The following FAM135B variants were observed in gnomAD, a reference collection of about 807,000 sequenced individuals.
The protein encoded by FAM135B is protein FAM135B.
FAM135B carries 43 observed loss-of-function variants against 127.7 expected under a neutral mutation model. That is an observed-to-expected ratio of 0.34 (90% CI 0.26 to 0.43). The LOEUF (loss-of-function observed/expected upper bound fraction) is 0.43. FAM135B is among the 20% of genes least tolerant of loss of function. The pLI, the probability that FAM135B is intolerant of heterozygous loss-of-function variation, is 1.00. For synonymous variants in FAM135B, 670 were observed against 665.1 expected, an observed-to-expected ratio of 1.01 and a Z score of -0.11; for missense variants, 1,558 against 1,725.6, an observed-to-expected ratio of 0.90 and a Z score of 1.72.
intron 12 of FAM135B, 55 bp downstream of exon 12, chr8:138,167,840 A>G: frequency 6.5e-7 from 1 of 1,533,842 alleles, no homozygotes; most frequent in East Asian, 2.4e-5. Context: ...TGCCATTGTC[A>G]GAATCCCACT....
chr8:138,474,599 A>G (rs1564030360), intron 1 of FAM135B, among the ~76,000 whole-genome samples: 2 of 152,096 alleles, frequency 1.3e-5, no homozygotes, highest in Non-Finnish European at 2.9e-5. Context: ...TTTGAATTGA[A>G]TGCCTTTCCT....
intron 7 of FAM135B, among the ~76,000 whole-genome samples, chr8:138,239,958 T>A (rs376587868): frequency 2.2e-5 from 3 of 138,448 alleles, no homozygotes; most frequent in Admixed American, 1.6e-4. Flanking sequence ...ATGAGAACAC[T>A]TGGACACAGG....
At chr8:138,407,421 T>G (rs1369194355) in intron 1 of FAM135B, among the ~76,000 whole-genome samples, 1 of 152,166 alleles carries the variant, frequency 6.6e-6, no homozygotes, top group Admixed American at 6.5e-5. Context: ...AAAGTTCATA[T>G]GGAACCAAAA....
chr8:138,483,694 C>T (rs1260929920), intron 1 of FAM135B, among the ~76,000 whole-genome samples: 1 of 152,110 alleles, frequency 6.6e-6, no homozygotes, highest in African/African-American at 2.4e-5. Flanking sequence ...TAATCAGGAC[C>T]CCAAAAATAC....
chr8:138,463,599 A>G (rs1299456958), intron 1 of FAM135B, among the ~76,000 whole-genome samples: 2 of 152,172 alleles, frequency 1.3e-5, no homozygotes, highest in African/African-American at 4.8e-5. Flanking sequence ...TTCTGGGGTG[A>G]ACGTAAAGCG....
chr8:138,396,503 C>T (rs910934584), intron 1 of FAM135B, among the ~76,000 whole-genome samples: 1 of 152,166 alleles, frequency 6.6e-6, no homozygotes, highest in African/African-American at 2.4e-5. Flanking sequence ...CTCTGTCCTT[C>T]CTCCTGGCAT....
rs55837421 is a variant in FAM135B at position 138,242,165 on chromosome 8, T to TTG, written c.669+775_669+776dup. 0.1 allele frequency among the ~76,000 whole-genome samples: 13,357 copies of TTG among 129,790 alleles called. 701 individuals carry two copies. The highest frequency in any genetic ancestry group is 0.14 in the South Asian group (485 of 3,550). 85.1% of individuals were successfully genotyped at this position (129,790 alleles called of 152,430 possible). ...AGTCAATTACTTATGATAAATCTCT[T>TTG]TGTGTGTGTGTGTGTGTGTGTGTGT... On this transcript the variant is annotated intron_variant, in intron 7 of 19. Transcript: ENST00000395297. The surrounding 1 kb of genome is among the most constrained non-coding windows in gnomAD (Gnocchi z 9.6).
chr8:138,158,208 C>T (rs1586636499), intron 12 of FAM135B, among the ~76,000 whole-genome samples: 1 of 152,122 alleles, frequency 6.6e-6, no homozygotes, highest in Non-Finnish European at 1.5e-5. Flanking sequence ...AAAGGATTCC[C>T]TTTTTAAATA....
chr8:138,234,501 C>T (rs1194555560), intron 7 of FAM135B, among the ~76,000 whole-genome samples: 2 of 152,138 alleles, frequency 1.3e-5, no homozygotes, highest in Non-Finnish European at 2.9e-5. Flanking sequence ...TGAAGAAAAA[C>T]ATATCTGTAT....
intron 2 of FAM135B, among the ~76,000 whole-genome samples, chr8:138,329,160 T>C (rs964679624): frequency 6.6e-6 from 1 of 151,798 alleles, no homozygotes; most frequent in Admixed American, 6.6e-5. Context: ...GGTAGGTAAA[T>C]AGGAGATACA....
At chr8:138,354,929 T>C (rs1467224677) in intron 2 of FAM135B, among the ~76,000 whole-genome samples, 3 of 152,130 alleles carry the variant, frequency 2.0e-5, no homozygotes, top group African/African-American at 7.2e-5. Context: ...GTTACATATG[T>C]ATACATGTGC....
intron 4 of FAM135B, among the ~76,000 whole-genome samples, chr8:138,257,899 AAAC>A (rs1822225565): frequency 1.0e-5 from 1 of 98,332 alleles, no homozygotes; most frequent in African/African-American, 2.8e-5. Flanking sequence ...AAAAAAAATA[AAAC>A]AAAACAAAAC....
chr8:138,147,260 T>A (rs962468248), intron 14 of FAM135B, among the ~76,000 whole-genome samples: 3 of 147,908 alleles, frequency 2.0e-5, no homozygotes, highest in Non-Finnish European at 4.5e-5. Context: ...TCCCTAATGA[T>A]ATGCCAGGGC....
intron 12 of FAM135B, among the ~76,000 whole-genome samples, chr8:138,157,929 A>AAC (rs1406897493): frequency 6.6e-6 from 1 of 152,200 alleles, no homozygotes; most frequent in Non-Finnish European, 1.5e-5. Context: ...GACTTTCTTC[A>AAC]CAGAATTGGA....
At chr8:138,146,423 C>A (rs1341696184) in intron 14 of FAM135B, among the ~76,000 whole-genome samples, 1 of 152,130 alleles carries the variant, frequency 6.6e-6, no homozygotes. Context: ...CAATGCGACT[C>A]ATACGAGCCC....
At chr8:138,156,601 A>G (rs1321449598) in intron 12 of FAM135B, among the ~76,000 whole-genome samples, 2 of 152,182 alleles carry the variant, frequency 1.3e-5, no homozygotes, top group Non-Finnish European at 2.9e-5. Flanking sequence ...ACAATAAAAA[A>G]TGATAAAGGG....
At chr8:138,219,388 T>C (rs1304829405) in intron 7 of FAM135B, among the ~76,000 whole-genome samples, 2 of 152,214 alleles carry the variant, frequency 1.3e-5, no homozygotes, top group African/African-American at 4.8e-5. Context: ...ACCTGGAACC[T>C]GTCCCTGGCA....
intron 12 of FAM135B, among the ~76,000 whole-genome samples, chr8:138,159,603 G>A (rs373666033): frequency 2.2e-5 from 3 of 135,042 alleles, no homozygotes; most frequent in East Asian, 2.6e-4. Flanking sequence ...AGGGCCTGTC[G>A]TGGGGTGGGG....
chr8:138,490,489 C>G (rs935116811), intron 1 of FAM135B, among the ~76,000 whole-genome samples: 1 of 152,184 alleles, frequency 6.6e-6, no homozygotes, highest in African/African-American at 2.4e-5. Context: ...GAGCCATGCT[C>G]AGACAGACAG....
Sources: allele counts gnomAD v4.1 joint callset (sites outside exome capture counted in the v4.1 genomes callset), GRCh38; gene constraint gnomAD v4.1.1; non-coding constraint Gnocchi (gnomAD v3.1); transcripts MANE v1.5; gene names NCBI Gene and HGNC (gene_info 2026-07-23, HGNC 2026-07-21).